The following PSPC1 variants were observed in gnomAD, a reference collection of about 807,000 sequenced individuals.
PSPC1 encodes paraspeckle protein 1.
In PSPC1, 14 loss-of-function variants were observed where a neutral mutation model predicts 51.6. That is an observed-to-expected ratio of 0.27 (90% CI 0.18 to 0.42). PSPC1 has a LOEUF of 0.42. PSPC1 is among the 10% of genes least tolerant of loss of function. The pLI, the probability that PSPC1 is intolerant of heterozygous loss-of-function variation, is 1.00. For synonymous variants in PSPC1, 193 were observed against 231.9 expected (o/e 0.83, Z 1.53); for missense variants, 406 against 701.1 (o/e 0.58, Z 4.75).
chr13:19,775,515 C>G (rs886283349), intron 1 of PSPC1, among the ~76,000 whole-genome samples: 10 of 152,254 alleles, frequency 6.6e-5, no homozygotes, highest in African/African-American at 2.4e-4. Flanking sequence ...CATTTTTACA[C>G]AGTATAAGGA....
At chr13:19,769,869 G>T (rs1451020640) in intron 2 of PSPC1, among the ~76,000 whole-genome samples, 3 of 152,172 alleles carry the variant, frequency 2.0e-5, no homozygotes, top group Non-Finnish European at 4.4e-5. Context: ...AACCACCACG[G>T]AAAAGAACTT....
At chr13:19,728,453 C>CACAA (rs1164770179) in intron 6 of PSPC1, among the ~76,000 whole-genome samples, 1 of 21,154 alleles carries the variant, frequency 4.7e-5, no homozygotes, top group Non-Finnish European at 3.2e-4. Flanking sequence ...CACACACACA[C>CACAA]ACACACACAC....
chr13:19,764,516 T>TA (rs1354361359), intron 2 of PSPC1, among the ~76,000 whole-genome samples: 9 of 151,418 alleles, frequency 5.9e-5, no homozygotes, highest in Non-Finnish European at 1.0e-4. Flanking sequence ...TATACAGTAC[T>TA]AAAAAAAACA....
At chr13:19,761,779 G>C (rs1593740529) in intron 2 of PSPC1, among the ~76,000 whole-genome samples, 1 of 152,222 alleles carries the variant, frequency 6.6e-6, no homozygotes, top group Non-Finnish European at 1.5e-5. Flanking sequence ...GCATTTTATG[G>C]ACCATTCATC....
chr13:19,732,170 C>T (rs919113615), intron 5 of PSPC1, among the ~76,000 whole-genome samples: 3 of 152,148 alleles, frequency 2.0e-5, no homozygotes, highest in Non-Finnish European at 4.4e-5. Flanking sequence ...GGATTTCACG[C>T]AAAATCTGGA....
intron 5 of PSPC1, among the ~76,000 whole-genome samples, chr13:19,735,090 T>C (rs1022838605): frequency 6.6e-6 from 1 of 151,782 alleles, no homozygotes; most frequent in African/African-American, 2.4e-5. Context: ...GGTGGGCTGA[T>C]CATCTGAGGT....
chr13:19,764,682 T>TTAAAAAA (rs578257616), intron 2 of PSPC1, among the ~76,000 whole-genome samples: 20 of 78,280 alleles, frequency 2.6e-4, no homozygotes, highest in Admixed American at 6.6e-4. Context: ...GAACTTGCCT[T>TTAAAAAA]AAAAAAAAAA....
chr13:19,675,607 G>C (rs148895659), intron 7 of PSPC1: 1 of 152,056 alleles, frequency 6.6e-6, no homozygotes, highest in African/African-American at 2.4e-5. Context: ...TTTCTGTCTT[G>C]TTTCTCCTAG....
downstream of PSPC1, among the ~76,000 whole-genome samples, chr13:19,699,172 T>C (rs571410266): frequency 1.3e-5 from 2 of 152,030 alleles, no homozygotes; most frequent in East Asian, 1.9e-4. Flanking sequence ...TCACAACACA[T>C]AGAAGACACT....
chr13:19,736,004 T>G (rs1427154636), intron 5 of PSPC1, among the ~76,000 whole-genome samples: 1 of 151,986 alleles, frequency 6.6e-6, no homozygotes, highest in Non-Finnish European at 1.5e-5. Flanking sequence ...GTATTTTTAG[T>G]AAAGACAGGG....
intron 5 of PSPC1, among the ~76,000 whole-genome samples, chr13:19,732,306 A>T (rs903338385): frequency 1.3e-5 from 2 of 152,222 alleles, no homozygotes; most frequent in Non-Finnish European, 2.9e-5. Flanking sequence ...ACTGTGAAGA[A>T]AGTACTTCAC....
intron 4 of PSPC1, among the ~76,000 whole-genome samples, chr13:19,742,763 T>C (rs1885565174): frequency 6.6e-6 from 1 of 151,992 alleles, no homozygotes; most frequent in Admixed American, 6.6e-5. Context: ...ATTGTAATTG[T>C]TTTCAGCAGC....
intron 6 of PSPC1, among the ~76,000 whole-genome samples, chr13:19,724,258 G>C (rs985314495): frequency 2.0e-5 from 3 of 152,052 alleles, no homozygotes; most frequent in African/African-American, 7.2e-5. Flanking sequence ...AAATAAATTT[G>C]TATCTATTCA....
intron 1 of PSPC1, among the ~76,000 whole-genome samples, chr13:19,780,351 C>A (rs1185350750): frequency 9.3e-6 from 1 of 106,988 alleles, no homozygotes; most frequent in Non-Finnish European, 2.0e-5. Flanking sequence ...ATGACAATGG[C>A]GGCTTTGTGG....
chr13:19,772,153 G>C (rs538445248), intron 2 of PSPC1, 89 bp downstream of exon 2: 2 of 1,377,110 alleles, frequency 1.5e-6, no homozygotes, highest in African/African-American at 2.9e-5. Context: ...CCATATGCTA[G>C]TATGAACTGC....
At chr13:19,770,005 C>T (rs571971647) in intron 2 of PSPC1, among the ~76,000 whole-genome samples, 1 of 152,204 alleles carries the variant, frequency 6.6e-6, no homozygotes, top group African/African-American at 2.4e-5. Flanking sequence ...TTCACAATGG[C>T]CAGTAGTTGT....
intron 5 of PSPC1, among the ~76,000 whole-genome samples, chr13:19,736,093 T>C (rs1326386328): frequency 6.6e-6 from 1 of 151,974 alleles, no homozygotes; most frequent in African/African-American, 2.4e-5. Context: ...GTGCTGGGAT[T>C]ACAGGCATGA....
downstream of PSPC1, among the ~76,000 whole-genome samples, chr13:19,701,649 C>T (rs1315254554): frequency 1.3e-5 from 2 of 152,154 alleles, no homozygotes; most frequent in Non-Finnish European, 2.9e-5. Context: ...ATCAATTATG[C>T]TTTACAACCA....
At chr13:19,750,509 C>CAT (rs943486145) in intron 4 of PSPC1, among the ~76,000 whole-genome samples, 1 of 151,826 alleles carries the variant, frequency 6.6e-6, no homozygotes, top group African/African-American at 2.4e-5. Flanking sequence ...CCTAAATCCC[C>CAT]ATATCAATGT....
Sources: gnomAD v4.1 joint callset for allele counts (sites outside exome capture counted in the v4.1 genomes callset) on GRCh38, gnomAD v4.1.1 for gene constraint, MANE v1.5 for transcripts, NCBI Gene and HGNC (gene_info 2026-07-23, HGNC 2026-07-21) for gene names.